The following KCNK9 variants were observed in gnomAD, a reference collection of about 807,000 sequenced individuals.
KCNK9 encodes potassium two pore domain channel subfamily K member 9.
A neutral mutation model predicts 10.8 loss-of-function variants in KCNK9; 1 was observed. The ratio of observed to expected loss-of-function variants is 0.09; its 90% CI spans 0.03 to 0.44. The LOEUF is 0.44. Among genes scored for constraint, KCNK9 ranks in the 20% least tolerant of loss-of-function variants. KCNK9 has a pLI of 0.97. For synonymous variants in KCNK9, 231 were observed against 222.7 expected (o/e 1.04, Z -0.33); for missense variants, 303 against 515.0 (o/e 0.59, Z 3.98).
intron 1 of KCNK9, among the ~76,000 whole-genome samples, chr8:139,688,465 C>A (rs1816867659): frequency 6.6e-6 from 1 of 152,168 alleles, no homozygotes; most frequent in Admixed American, 6.5e-5. Flanking sequence ...ACTTTAAAAC[C>A]ATCAGCTCTA....
chr8:139,658,245 G>A (rs923752326), intron 1 of KCNK9, among the ~76,000 whole-genome samples: 1 of 152,180 alleles, frequency 6.6e-6, no homozygotes, highest in African/African-American at 2.4e-5. Flanking sequence ...GGGCTGAGAG[G>A]AGCCCAGTGA....
downstream of KCNK9, chr8:139,612,007 G>T (rs1038136217): frequency 6.6e-6 from 1 of 152,220 alleles, no homozygotes; most frequent in Non-Finnish European, 1.5e-5. Flanking sequence ...TTGCTCCCTG[G>T]TGCGGTCGCT....
At chr8:139,659,441 T>C (rs1313268841) in intron 1 of KCNK9, among the ~76,000 whole-genome samples, 2 of 151,856 alleles carry the variant, frequency 1.3e-5, no homozygotes, top group Non-Finnish European at 2.9e-5. Context: ...CAGCAGCAGG[T>C]GTTAGACCCC....
At chr8:139,694,620 G>T (rs974756650) in intron 1 of KCNK9, among the ~76,000 whole-genome samples, 1 of 152,198 alleles carries the variant, frequency 6.6e-6, no homozygotes, top group Non-Finnish European at 1.5e-5. Context: ...CATGCGTAGG[G>T]TAGGGACCTG....
At chr8:139,654,099 C>T (rs1815948293) in intron 1 of KCNK9, among the ~76,000 whole-genome samples, 1 of 152,214 alleles carries the variant, frequency 6.6e-6, no homozygotes, top group African/African-American at 2.4e-5. Flanking sequence ...ACAGAGCTTT[C>T]CAGTTAGGAA....
At chr8:139,647,133 C>A (rs1348419717) in intron 1 of KCNK9, among the ~76,000 whole-genome samples, 2 of 152,340 alleles carry the variant, frequency 1.3e-5, no homozygotes, top group East Asian at 3.9e-4. Context: ...TCAGGCTGGG[C>A]TCCGTGAGCA....
At chr8:139,615,501 C>T (rs1357056326), downstream of KCNK9, among the ~76,000 whole-genome samples, 3 of 152,084 alleles carry the variant, frequency 2.0e-5, no homozygotes, top group Non-Finnish European at 2.9e-5. Flanking sequence ...GAGACCACAG[C>T]AGGGGGAAGA....
intron 2 of KCNK9, among the ~76,000 whole-genome samples, chr8:139,604,739 G>C (rs563540240): frequency 7.2e-5 from 11 of 152,288 alleles, no homozygotes; most frequent in Admixed American, 7.2e-4. Flanking sequence ...CAGGGCTCAC[G>C]CCCATCTGTT....
chr8:139,607,460 C>G (rs954502428), intron 2 of KCNK9, among the ~76,000 whole-genome samples: 2 of 152,196 alleles, frequency 1.3e-5, no homozygotes, highest in African/African-American at 4.8e-5. Flanking sequence ...GCTGCCGGGC[C>G]CACTGTTGCA....
At chr8:139,683,049 A>G (rs936171180) in intron 1 of KCNK9, among the ~76,000 whole-genome samples, 6 of 152,192 alleles carry the variant, frequency 3.9e-5, no homozygotes, top group African/African-American at 9.7e-5. Flanking sequence ...GAGGGCATCT[A>G]CAATTCCCTT....
chr8:139,685,336 G>A (rs1401224892), intron 1 of KCNK9, among the ~76,000 whole-genome samples: 1 of 152,062 alleles, frequency 6.6e-6, no homozygotes, highest in Admixed American at 6.6e-5. Context: ...GCAACGTGCA[G>A]GTTTGTTACA....
At chr8:139,623,726 T>C (rs1814868849) in intron 1 of KCNK9, among the ~76,000 whole-genome samples, 2 of 152,090 alleles carry the variant, frequency 1.3e-5, no homozygotes. Context: ...GGTGGCAGAA[T>C]CTCAGAAGTC....
intron 1 of KCNK9, among the ~76,000 whole-genome samples, chr8:139,689,125 A>G (rs573576296): frequency 1.4e-4 from 22 of 152,336 alleles, no homozygotes; most frequent in African/African-American, 4.6e-4. Context: ...CCACAAGCCA[A>G]AAAGAAAGGC....
chr8:139,654,370 G>A (rs528023326), intron 1 of KCNK9, among the ~76,000 whole-genome samples: 22 of 152,194 alleles, frequency 1.4e-4, no homozygotes, highest in South Asian at 2.1e-4. Flanking sequence ...GCCTCGGAGC[G>A]CGGCCAGACC....
At chr8:139,627,061 A>T (rs778793420) in intron 1 of KCNK9, among the ~76,000 whole-genome samples, 1 of 152,248 alleles carries the variant, frequency 6.6e-6, no homozygotes, top group Non-Finnish European at 1.5e-5. Flanking sequence ...GGCAGGAATC[A>T]GTGGGTCCCA....
chr8:139,703,019 G>A lies in KCNK9; in HGVS notation c.-27C>T. The stretch of plus-strand genomic sequence containing the variant: ...GCCGCCAGCAAGGAGCCGGCGCGGG[G>A]GGCATGTCCCGCAGGCTCACAGCCG... On this transcript the variant is annotated 5_prime_UTR_variant, in exon 1 of 2. Transcript: ENST00000520439. The surrounding 1 kb of genome is among the most constrained non-coding windows in gnomAD (Gnocchi z 6.4). 6.5e-7 allele frequency: 1 copy of A among 1,543,486 alleles called. No individual in the cohort carries two copies. The highest frequency in any genetic ancestry group is 8.7e-7 in the Non-Finnish European group (1 of 1,147,862).
chr8:139,602,915 G>A (rs948199216), intron 2 of KCNK9, among the ~76,000 whole-genome samples: 7 of 152,266 alleles, frequency 4.6e-5, no homozygotes, highest in African/African-American at 1.2e-4. Flanking sequence ...GTGGCGTATC[G>A]CTGCCAGTCA....
At chr8:139,607,388 T>C (rs1297128712) in intron 2 of KCNK9, among the ~76,000 whole-genome samples, 2 of 152,128 alleles carry the variant, frequency 1.3e-5, no homozygotes, top group Non-Finnish European at 2.9e-5. Context: ...ACGTGCTCAG[T>C]CAATAGTGGC....
rs180801278 is a variant in KCNK9 at position 139,604,595 on chromosome 8, A to G, written c.*1-2994T>C. 3.5e-3 allele frequency among the ~76,000 whole-genome samples: 531 copies of G among 152,340 alleles called. 1 individual carries two copies. Among genetic ancestry groups the G allele is most frequent in the African/African-American group, 0.012 (514 of 41,590 alleles). ...ACAGAAGGGTTGAGGAGAGAAAGCA[A>G]TCCGTCCTTATTTACATTTTAAGAG... On this transcript the variant is annotated intron_variant, in intron 2 of 2. Transcript: ENST00000650269.
Sources: allele counts gnomAD v4.1 joint callset (sites outside exome capture counted in the v4.1 genomes callset), GRCh38; gene constraint gnomAD v4.1.1; non-coding constraint Gnocchi (gnomAD v3.1); transcripts MANE v1.5; gene names NCBI Gene and HGNC (gene_info 2026-07-23, HGNC 2026-07-21).